The following ANO3 variants were observed in gnomAD, a reference collection of about 807,000 sequenced individuals.
The protein encoded by ANO3 is anoctamin 3, also known as anoctamin-3.
In ANO3, 99 loss-of-function variants were observed where a neutral mutation model predicts 144.8. The ratio of observed to expected loss-of-function variants is 0.68; its 90% CI spans 0.58 to 0.81. The LOEUF (loss-of-function observed/expected upper bound fraction) is 0.81, where lower values mean the gene tolerates loss of function less well. Ranked by LOEUF, ANO3 falls within the 30% of genes least tolerant of loss-of-function variation. ANO3 has a pLI of 0.00. For missense variants in ANO3, 905 were observed against 1,202.2 expected (o/e 0.75, Z 3.66); for synonymous variants, 414 against 392.6 (o/e 1.05, Z -0.64).
intron 3 of ANO3, 78 bp downstream of exon 3, chr11:26,443,914 ATTT>A (rs980416807): frequency 2.3e-6 from 2 of 867,178 alleles, no homozygotes; most frequent in East Asian, 5.6e-5. Flanking sequence ...AAAAACTAGC[ATTT>A]TTTTTTTAAG....
intron 24 of ANO3, among the ~76,000 whole-genome samples, chr11:26,650,680 A>G (rs1035040325): frequency 1.2e-4 from 19 of 152,222 alleles, no homozygotes; most frequent in Non-Finnish European, 2.4e-4. Context: ...AGCAATAATT[A>G]TTGATTTAAT....
At chr11:26,266,151 AT>A (rs943095132) in intron 1 of ANO3, among the ~76,000 whole-genome samples, 22 of 152,054 alleles carry the variant, frequency 1.4e-4, no homozygotes, top group Middle Eastern at 3.4e-3. Context: ...ATCTAGGAGG[AT>A]TTTTTTTCAT....
chr11:26,551,915 G>A (rs947877289), intron 12 of ANO3, among the ~76,000 whole-genome samples: 5 of 151,908 alleles, frequency 3.3e-5, no homozygotes, highest in African/African-American at 1.2e-4. Context: ...GTATATGTAA[G>A]ACCCATTTCA....
chr11:26,203,207 G>T (rs1391669228), intron 1 of ANO3, among the ~76,000 whole-genome samples: 1 of 151,992 alleles, frequency 6.6e-6, no homozygotes. Flanking sequence ...TGCTTATTTT[G>T]CCAATCACAT....
intron 1 of ANO3, among the ~76,000 whole-genome samples, chr11:26,373,833 A>G (rs1289237243): frequency 6.6e-6 from 1 of 152,212 alleles, no homozygotes; most frequent in African/African-American, 2.4e-5. Flanking sequence ...AGAACATGGA[A>G]GAACAGGCAT....
intron 9 of ANO3, among the ~76,000 whole-genome samples, chr11:26,534,798 A>T (rs1849463147): frequency 6.6e-6 from 1 of 152,216 alleles, no homozygotes; most frequent in Non-Finnish European, 1.5e-5. Flanking sequence ...ACTTTGAAAC[A>T]GAAATATTAT....
At chr11:26,353,076 A>G (rs113625038) in intron 1 of ANO3, among the ~76,000 whole-genome samples, 3,993 of 152,338 alleles carry the variant, frequency 0.026, 161 homozygotes, top group African/African-American at 0.09. Context: ...ACAGAGGATC[A>G]TGCCCAACGG....
chr11:26,376,958 G>C (rs1248157794), intron 1 of ANO3, among the ~76,000 whole-genome samples: 1 of 152,104 alleles, frequency 6.6e-6, no homozygotes, highest in African/African-American at 2.4e-5. Flanking sequence ...TGCAGTGAAG[G>C]CAAGAGAATT....
chr11:26,421,561 A>G, intron 1 of ANO3, among the ~76,000 whole-genome samples: 1 of 152,112 alleles, frequency 6.6e-6, no homozygotes, highest in Middle Eastern at 3.4e-3. Flanking sequence ...TTTTTCTTTT[A>G]TAGACATGAT....
At chr11:26,376,497 G>A (rs559888158) in intron 1 of ANO3, among the ~76,000 whole-genome samples, 2 of 151,890 alleles carry the variant, frequency 1.3e-5, no homozygotes, top group Non-Finnish European at 2.9e-5. Context: ...ATAAAACTCA[G>A]CAGCTTGGTA....
intron 1 of ANO3, among the ~76,000 whole-genome samples, chr11:26,322,474 T>C (rs188939521): frequency 6.6e-6 from 1 of 152,256 alleles, no homozygotes; most frequent in East Asian, 1.9e-4. Context: ...CATGCAGTTG[T>C]CATGTCTCTT....
rs188194808 is a variant in ANO3 at position 26,216,500 on chromosome 11, C to T, written c.154+27170C>T. Among the ~76,000 whole-genome samples the T allele has an allele frequency of 1.6e-4, 24 of 152,058 alleles. No individual in the cohort carries two copies. The East Asian group carries it at 4.1e-3, about 26-fold the overall frequency. On this transcript the variant is annotated intron_variant, in intron 1 of 27. Transcript: ENST00000672621. ...AATATTCCATTGTATGACAGTATCA[C>T]CCTTCATTTATCCATTCACTTGTTA...
At chr11:26,586,501 A>ATTTTTTTTTTTTTTTT (rs1281089936) in intron 14 of ANO3, among the ~76,000 whole-genome samples, 46 of 40,006 alleles carry the variant, frequency 1.1e-3, no homozygotes, top group Non-Finnish European at 1.2e-3. Flanking sequence ...CCTGGTGAGA[A>ATTTTTTTTTTTTTTTT]TCTTTTTTTT....
intron 1 of ANO3, among the ~76,000 whole-genome samples, chr11:26,366,686 G>T (rs907211762): frequency 3.3e-5 from 5 of 151,924 alleles, no homozygotes; most frequent in Admixed American, 2.6e-4. Context: ...GGTGTGAGAT[G>T]GTATCTCATT....
chr11:26,211,763 T>C (rs879885199), intron 1 of ANO3, among the ~76,000 whole-genome samples: 2 of 152,228 alleles, frequency 1.3e-5, no homozygotes, highest in African/African-American at 2.4e-5. Context: ...CTATAACATG[T>C]TTGTTTATTG....
intron 11 of ANO3, 92 bp from the exon 12 acceptor site, chr11:26,547,324 A>G: frequency 7.7e-7 from 1 of 1,305,012 alleles, no homozygotes; most frequent in Non-Finnish European, 1.1e-6. Flanking sequence ...GCTTCAAGTT[A>G]CCATCTGAAA....
At chr11:26,421,655 A>G (rs1857755489) in intron 1 of ANO3, among the ~76,000 whole-genome samples, 1 of 152,016 alleles carries the variant, frequency 6.6e-6, no homozygotes, top group African/African-American at 2.4e-5. Context: ...GGCTTTATCA[A>G]GCACATGTAT....
intron 12 of ANO3, among the ~76,000 whole-genome samples, chr11:26,548,666 G>T (rs1020873811): frequency 6.6e-6 from 1 of 151,864 alleles, no homozygotes; most frequent in Non-Finnish European, 1.5e-5. Context: ...CAATAACCAA[G>T]TTGCTTGATT....
intron 1 of ANO3, among the ~76,000 whole-genome samples, chr11:26,340,206 T>C (rs142472154): frequency 2.0e-5 from 3 of 152,310 alleles, no homozygotes; most frequent in African/African-American, 7.2e-5. Flanking sequence ...ACAAGTAAAA[T>C]GTCAAATGCT....
Sources: allele counts gnomAD v4.1 joint callset (sites outside exome capture counted in the v4.1 genomes callset), GRCh38; gene constraint gnomAD v4.1.1; transcripts MANE v1.5; gene names NCBI Gene and HGNC (gene_info 2026-07-23, HGNC 2026-07-21).